The following BAZ2B variants were observed in gnomAD, a reference collection of about 807,000 sequenced individuals.
BAZ2B encodes the protein bromodomain adjacent to zinc finger domain protein 2B.
In BAZ2B, 91 loss-of-function variants were observed where a neutral mutation model predicts 246.0. The observed-to-expected ratio is 0.37, with a 90% CI of 0.31 to 0.44. The LOEUF is 0.44. BAZ2B is among the 20% of genes least tolerant of loss of function. The probability of loss-of-function intolerance (pLI) is 1.00; values close to 1 mark genes in which losing one functional copy is unlikely to be tolerated. For missense variants in BAZ2B, 2,332 were observed against 2,533.7 expected (o/e 0.92, Z 1.71); for synonymous variants, 855 against 860.0 (o/e 0.99, Z 0.10).
At chr2:159,481,645 A>C (rs998942335) in intron 2 of BAZ2B, among the ~76,000 whole-genome samples, 4 of 152,004 alleles carry the variant, frequency 2.6e-5, no homozygotes, top group African/African-American at 9.7e-5. Context: ...GATGCCCCAG[A>C]AGAGTCCATC....
the BAZ2B span, among the ~76,000 whole-genome samples, chr2:159,627,202 G>C: frequency 6.6e-6 from 1 of 152,040 alleles, no homozygotes; most frequent in African/African-American, 2.4e-5. Context: ...AAAAAGTCCA[G>C]GACCAGACGG....
intron 1 of BAZ2B, among the ~76,000 whole-genome samples, chr2:159,575,235 C>G (rs890137661): frequency 1.3e-5 from 2 of 151,902 alleles, no homozygotes; most frequent in African/African-American, 4.8e-5. Context: ...TGCTCAGGAC[C>G]CTTTTGGACC....
chr2:159,323,627 AC>A (rs1243574464), intron 36 of BAZ2B, among the ~76,000 whole-genome samples: 1 of 151,960 alleles, frequency 6.6e-6, no homozygotes, highest in Non-Finnish European at 1.5e-5. Flanking sequence ...ACATGGTGAA[AC>A]CCTGTTTATA....
At chr2:159,512,844 C>G (rs1162856840) in intron 2 of BAZ2B, among the ~76,000 whole-genome samples, 1 of 152,126 alleles carries the variant, frequency 6.6e-6, no homozygotes, top group Non-Finnish European at 1.5e-5. Flanking sequence ...ACTCCTTGAT[C>G]AAGAATCTAA....
In BAZ2B at chr2:159,319,589, A is replaced by G. The variant is rs1034372240; in HGVS notation, c.*676T>C. The G allele has an allele frequency of 2.0e-5, 3 of 152,610 alleles. No individual in the cohort carries two copies. The East Asian group carries it at 5.8e-4, about 29-fold the overall frequency. 9.5% of individuals were successfully genotyped at this position (152,610 alleles called of 1,614,324 possible). ...AAGAATGAACAGTATATACATGTCA[A>G]TTTTTTCACTGTTTTGAAATACAAT... On this transcript the variant is annotated 3_prime_UTR_variant, in exon 37 of 37. Transcript: ENST00000392783. The surrounding 1 kb of genome is among the most constrained non-coding windows in gnomAD (Gnocchi z 4.0).
the BAZ2B span, among the ~76,000 whole-genome samples, chr2:159,681,683 C>A: frequency 2.0e-5 from 3 of 152,158 alleles, no homozygotes; most frequent in Non-Finnish European, 2.9e-5. Context: ...GTAATCCCAG[C>A]ACTTTGGGAG....
chr2:159,428,052 T>C lies in BAZ2B; in HGVS notation c.2365-10A>G. ...CATTTCTGCTGAGATACTGAAAAAATCACATATTTTTCCACTTCAGGTTTT... is the reference window on the plus strand; with the variant it reads ...CATTTCTGCTGAGATACTGAAAAAACCACATATTTTTCCACTTCAGGTTTT... On this transcript the variant is annotated splice_polypyrimidine_tract_variant and intron_variant, in intron 12 of 36. Coordinates refer to ENST00000392783, the MANE Select transcript of BAZ2B (RefSeq NM_013450.4). 1 of 1,609,026 alleles carries C rather than the reference T, an allele frequency of 6.2e-7. No individual in the cohort carries two copies. Among genetic ancestry groups the C allele is most frequent in the Non-Finnish European group, 8.5e-7 (1 of 1,175,830 alleles).
At chr2:159,685,816 T>C in the BAZ2B span, among the ~76,000 whole-genome samples, 1 of 152,228 alleles carries the variant, frequency 6.6e-6, no homozygotes, top group African/African-American at 2.4e-5. Context: ...GAGTGAAATC[T>C]TCCTTACAGG....
intron 3 of BAZ2B, among the ~76,000 whole-genome samples, chr2:159,469,648 C>T (rs1445021070): frequency 6.6e-6 from 1 of 151,950 alleles, no homozygotes; most frequent in Non-Finnish European, 1.5e-5. Flanking sequence ...ATCATGTTGG[C>T]GAGGCAGGTC....
upstream of BAZ2B, chr2:159,616,937 T>G (rs1365025920): frequency 6.6e-6 from 1 of 152,116 alleles, no homozygotes; most frequent in Non-Finnish European, 1.5e-5. Context: ...TAAATTAATA[T>G]GCCAAGATTT....
intron 2 of BAZ2B, among the ~76,000 whole-genome samples, chr2:159,551,193 G>C (rs1372191293): frequency 1.2e-4 from 18 of 152,124 alleles, no homozygotes; most frequent in Non-Finnish European, 1.5e-5. Flanking sequence ...TTGCCGGCCG[G>C]GCACGGTGGC....
chr2:159,439,111 A>G lies in BAZ2B; in HGVS notation c.798T>C (p.Asp266=), dbSNP rs904849410. The G allele has an allele frequency of 4.0e-5, 65 of 1,613,824 alleles. 1 individual carries two copies. Among genetic ancestry groups the G allele is most frequent in the Non-Finnish European group, 5.1e-6 (6 of 1,179,944 alleles). The change falls in exon 7 of 37, where the codon GAT becomes GAC. Residue 266 remains aspartate, a synonymous_variant. Coordinates refer to ENST00000392783, the MANE Select transcript of BAZ2B (RefSeq NM_013450.4). ...CTTCTTCTTCATCTTCTTCTAGATC[A>G]TCTGAATCACTGCTACTAATGCCTT... ...SSEGISSSDS[D]DLEEDEEEED...
intron 2 of BAZ2B, among the ~76,000 whole-genome samples, chr2:159,551,856 G>A (rs16844097): frequency 0.054 from 8,191 of 152,212 alleles, 384 homozygotes; most frequent in African/African-American, 0.12. Context: ...GGTAAGAAAA[G>A]TGTAGTATGT....
the BAZ2B span, among the ~76,000 whole-genome samples, chr2:159,649,589 C>T: frequency 1.3e-5 from 2 of 152,142 alleles, no homozygotes; most frequent in Non-Finnish European, 1.5e-5. Context: ...TTGGGGACCC[C>T]TGCTGTAGGT....
the BAZ2B span, among the ~76,000 whole-genome samples, chr2:159,644,182 G>T: frequency 6.6e-6 from 1 of 152,176 alleles, no homozygotes; most frequent in African/African-American, 2.4e-5. Flanking sequence ...TTCTTCTTCA[G>T]CTATGAACTT....
intron 14 of BAZ2B, among the ~76,000 whole-genome samples, chr2:159,407,422 A>G (rs1488044905): frequency 6.6e-6 from 1 of 152,128 alleles, no homozygotes; most frequent in Non-Finnish European, 1.5e-5. Context: ...CAGTGAGCTG[A>G]GATTGCACCA....
chr2:159,484,261 AG>A (rs1285104457), intron 2 of BAZ2B, among the ~76,000 whole-genome samples: 1 of 152,248 alleles, frequency 6.6e-6, no homozygotes, highest in Non-Finnish European at 1.5e-5. Flanking sequence ...AAACTTTAAT[AG>A]TAATTCTATA....
In BAZ2B at chr2:159,550,960, C is replaced by T. The variant is rs117315566; in HGVS notation, c.-3+4863G>A. Among the ~76,000 whole-genome samples, 157 of 152,194 alleles carry T rather than the reference C, an allele frequency of 1.0e-3. 1 individual carries two copies. In the East Asian group the frequency reaches 0.014, roughly 13 times the overall value. ...AAGCAATCCTTCCACCTCAGCTTCCCGAGTAGCTGGGACTACAGGCTTGAG... is the reference window on the plus strand; with the variant it reads ...AAGCAATCCTTCCACCTCAGCTTCCTGAGTAGCTGGGACTACAGGCTTGAG... On this transcript the variant is annotated intron_variant, in intron 2 of 36. Coordinates refer to ENST00000392783, the MANE Select transcript of BAZ2B (RefSeq NM_013450.4).
chr2:159,677,052 T>C, the BAZ2B span, among the ~76,000 whole-genome samples: 18 of 148,722 alleles, frequency 1.2e-4, no homozygotes, highest in African/African-American at 3.9e-4. Flanking sequence ...CCTTATTGGA[T>C]AGAAGTCCTG....
Sources: allele counts gnomAD v4.1 joint callset (sites outside exome capture counted in the v4.1 genomes callset), GRCh38; gene constraint gnomAD v4.1.1; non-coding constraint Gnocchi (gnomAD v3.1); transcripts MANE v1.5; gene names NCBI Gene and HGNC (gene_info 2026-07-23, HGNC 2026-07-21).